Variants in C12orf42 observed in about 807,000 individuals in gnomAD.
C12orf42 encodes the protein uncharacterized protein C12orf42.
Under a neutral mutation model 21.6 loss-of-function variants are expected in C12orf42, and 25 were observed. The observed-to-expected ratio is 1.16, with a 90% CI of 0.84 to 1.62. C12orf42 has a LOEUF of 1.62. Ranked by LOEUF, C12orf42 falls within the 40% of genes most tolerant of loss-of-function variation. The probability of loss-of-function intolerance (pLI) is 0.00; values close to 1 mark genes in which losing one functional copy is unlikely to be tolerated. For synonymous variants in C12orf42, 174 were observed against 175.0 expected (o/e 0.99, Z 0.05); for missense variants, 483 against 459.3 (o/e 1.05, Z -0.47).
At chr12:103,209,510 A>T in the C12orf42 span, among the ~76,000 whole-genome samples, 14 of 152,326 alleles carry the variant, frequency 9.2e-5, no homozygotes, top group Admixed American at 4.6e-4. Context: ...CTTGAAGTAT[A>T]ATATTAATAA....
At chr12:103,138,189 C>T in the C12orf42 span, among the ~76,000 whole-genome samples, 2 of 152,124 alleles carry the variant, frequency 1.3e-5, no homozygotes, top group Admixed American at 1.3e-4. Context: ...TTCTGAGATG[C>T]TCACTAGAAA....
the C12orf42 span, among the ~76,000 whole-genome samples, chr12:103,153,046 G>T: frequency 6.6e-6 from 1 of 152,100 alleles, no homozygotes; most frequent in Non-Finnish European, 1.5e-5. Flanking sequence ...GCAAAAAAAG[G>T]TATTGTCACA....
intron 2 of C12orf42, among the ~76,000 whole-genome samples, chr12:103,472,859 A>AAGC (rs1418428189): frequency 7.5e-4 from 114 of 152,326 alleles, no homozygotes; most frequent in African/African-American, 2.6e-3. Flanking sequence ...AGTCAAAGAG[A>AAGC]AGCTCATCTC....
chr12:103,148,758 A>C, the C12orf42 span, among the ~76,000 whole-genome samples: 2 of 152,338 alleles, frequency 1.3e-5, no homozygotes, highest in African/African-American at 4.8e-5. Flanking sequence ...TACTTAATCC[A>C]TGTGGAAAGT....
the C12orf42 span, among the ~76,000 whole-genome samples, chr12:103,155,476 G>C: frequency 6.6e-6 from 1 of 152,148 alleles, no homozygotes; most frequent in South Asian, 2.1e-4. Context: ...GATTCTATGA[G>C]CACATAATGA....
intron 4 of C12orf42, among the ~76,000 whole-genome samples, chr12:103,315,387 C>G (rs76817335): frequency 0.02 from 3,032 of 152,004 alleles, 91 homozygotes; most frequent in African/African-American, 0.068. Context: ...AACTCAGAAT[C>G]AAAAAGAAAT....
At chr12:103,209,705 G>GTC in the C12orf42 span, among the ~76,000 whole-genome samples, 1 of 152,176 alleles carries the variant, frequency 6.6e-6, no homozygotes. Context: ...AGATTCGAGA[G>GTC]TCTCAATCTT....
At chr12:103,193,888 G>A in the C12orf42 span, among the ~76,000 whole-genome samples, 6 of 152,030 alleles carry the variant, frequency 3.9e-5, no homozygotes, top group Non-Finnish European at 7.4e-5. Context: ...CAAAACTATA[G>A]GCCATTATCC....
the C12orf42 span, among the ~76,000 whole-genome samples, chr12:103,516,048 C>G: frequency 0.021 from 3,154 of 152,178 alleles, 98 homozygotes; most frequent in African/African-American, 0.072. Context: ...TTTGGTTTAA[C>G]AAAAATTGGA....
At chr12:103,387,247 G>A (rs1219054469) in intron 3 of C12orf42, among the ~76,000 whole-genome samples, 2 of 152,018 alleles carry the variant, frequency 1.3e-5, no homozygotes, top group African/African-American at 4.8e-5. Flanking sequence ...CTTTGCACTT[G>A]CTGTTCCCTC....
At chr12:103,086,037 T>C in the C12orf42 span, among the ~76,000 whole-genome samples, 6 of 152,200 alleles carry the variant, frequency 3.9e-5, no homozygotes, top group African/African-American at 1.4e-4. Flanking sequence ...GCAGAACTTT[T>C]TTTGTTAGAT....
At chr12:103,206,541 CACACAT>C in the C12orf42 span, among the ~76,000 whole-genome samples, 15 of 151,842 alleles carry the variant, frequency 9.9e-5, no homozygotes, top group African/African-American at 3.6e-4. Context: ...CACACACACA[CACACAT>C]GATTAAAAAG....
At chr12:103,163,738 GC>G in the C12orf42 span, among the ~76,000 whole-genome samples, 1 of 152,118 alleles carries the variant, frequency 6.6e-6, no homozygotes, top group African/African-American at 2.4e-5. Context: ...GTTCATCCCA[GC>G]CCCCAGTGAT....
intron 1 of C12orf42, among the ~76,000 whole-genome samples, chr12:103,484,058 T>G (rs559012411): frequency 6.6e-6 from 1 of 152,342 alleles, no homozygotes; most frequent in South Asian, 2.1e-4. Flanking sequence ...ATCGAGTCTA[T>G]CATTGATGGA....
chr12:103,171,245 C>T, the C12orf42 span, among the ~76,000 whole-genome samples: 216 of 152,216 alleles, frequency 1.4e-3, no homozygotes, highest in Non-Finnish European at 2.1e-3. Flanking sequence ...TTATCAATAA[C>T]TGAGATTATA....
At chr12:103,390,546 G>C (rs1272186750) in intron 3 of C12orf42, among the ~76,000 whole-genome samples, 6 of 152,026 alleles carry the variant, frequency 3.9e-5, no homozygotes, top group Non-Finnish European at 7.4e-5. Flanking sequence ...TGGTAATCAG[G>C]GTTCTCCAGA....
chr12:103,061,985 C>T, the C12orf42 span, among the ~76,000 whole-genome samples: 2 of 151,722 alleles, frequency 1.3e-5, no homozygotes, highest in South Asian at 4.2e-4. Flanking sequence ...ATTGTTTTTA[C>T]ATTTATTTAG....
intron 2 of C12orf42, among the ~76,000 whole-genome samples, chr12:103,474,986 A>G (rs934032565): frequency 2.6e-5 from 4 of 152,218 alleles, no homozygotes; most frequent in Non-Finnish European, 4.4e-5. Flanking sequence ...AAGTCAAAGG[A>G]TTCTCTGAAA....
intron 2 of C12orf42, among the ~76,000 whole-genome samples, chr12:103,413,610 T>C (rs554668412): frequency 3.3e-5 from 5 of 152,130 alleles, no homozygotes; most frequent in African/African-American, 1.2e-4. Flanking sequence ...ACTCAGTGTG[T>C]AGTCTTTTAT....
Sources: gnomAD v4.1 joint callset for allele counts (sites outside exome capture counted in the v4.1 genomes callset) on GRCh38, gnomAD v4.1.1 for gene constraint, MANE v1.5 for transcripts, NCBI Gene and HGNC (gene_info 2026-07-23, HGNC 2026-07-21) for gene names.